The following CAPRIN2 variants were observed in gnomAD, a reference collection of about 807,000 sequenced individuals.
CAPRIN2 encodes the protein caprin family member 2.
In CAPRIN2, 66 loss-of-function variants were observed where a neutral mutation model predicts 130.4. The observed-to-expected ratio is 0.51, with a 90% confidence interval of 0.42 to 0.62. The LOEUF (loss-of-function observed/expected upper bound fraction) is 0.62, where lower values mean the gene tolerates loss of function less well. Among genes scored for constraint, CAPRIN2 ranks in the 20% least tolerant of loss-of-function variants. CAPRIN2 has a pLI of 0.00. For missense variants in CAPRIN2, 1,185 were observed against 1,246.6 expected (o/e 0.95, Z 0.74); for synonymous variants, 471 against 444.1 (o/e 1.06, Z -0.76).
At position 30,713,860 on chromosome 12, in the gene CAPRIN2, AGGGAGTCCTCT is replaced by A; in HGVS notation, c.2515_2525del (p.Arg839PhefsTer8). 4 of 1,606,726 alleles carry A rather than the reference AGGGAGTCCTCT, an allele frequency of 2.5e-6. No individual in the cohort carries two copies. Among genetic ancestry groups the A allele is most frequent in the Non-Finnish European group, 3.4e-6 (4 of 1,173,642 alleles). ...GGCTATAATTTCCATTGGAAATTGAAGGGAGTCCTCTATAAGTATCAAAACCTAATAAATAA... is the reference window on the plus strand; with the variant it reads ...GGCTATAATTTCCATTGGAAATTGAAATAAGTATCAAAACCTAATAAATAA... On this transcript the variant is annotated frameshift_variant, in exon 15 of 17. Transcript: ENST00000298892. LOFTEE classifies it high-confidence loss of function.
intron 2 of CAPRIN2, among the ~76,000 whole-genome samples, chr12:30,747,492 A>T (rs537530407): frequency 2.0e-5 from 3 of 152,246 alleles, no homozygotes; most frequent in African/African-American, 7.2e-5. Flanking sequence ...AGCCTGACCA[A>T]CACGGAGAAA....
At chr12:30,740,004 C>A (rs1380137244) in intron 3 of CAPRIN2, among the ~76,000 whole-genome samples, 4 of 152,100 alleles carry the variant, frequency 2.6e-5, no homozygotes, top group Non-Finnish European at 5.9e-5. Context: ...ATACTTCTAA[C>A]CATATTTGTA....
intron 12 of CAPRIN2, 30 bp from the exon 14 acceptor site, chr12:30,719,255 TC>T (rs1426495622): frequency 6.2e-7 from 1 of 1,611,444 alleles, no homozygotes; most frequent in Non-Finnish European, 8.5e-7. Flanking sequence ...CATCAGCCAA[TC>T]ACCTGCCATA....
intron 8 of CAPRIN2, chr12:30,728,326 G>T (rs1224955363): frequency 1.9e-5 from 4 of 207,972 alleles, no homozygotes; most frequent in Admixed American, 5.2e-5. Context: ...AGGCCGAGGC[G>T]GTTGGATCAC....
At chr12:30,752,998 CAG>C (rs2074733871) in intron 1 of CAPRIN2, among the ~76,000 whole-genome samples, 1 of 152,140 alleles carries the variant, frequency 6.6e-6, no homozygotes, top group Non-Finnish European at 1.5e-5. Flanking sequence ...TCAACTGCTG[CAG>C]AAAGTCACAA....
intron 8 of CAPRIN2, 79 bp downstream of exon 9, chr12:30,728,569 A>AG (rs1304534293): frequency 1.4e-4 from 178 of 1,257,852 alleles, no homozygotes; most frequent in East Asian, 1.1e-3. Context: ...AAAAAAAAAA[A>AG]AGAGAACTAA....
At chr12:30,739,001 C>T (rs2066105876) in intron 3 of CAPRIN2, among the ~76,000 whole-genome samples, 1 of 152,150 alleles carries the variant, frequency 6.6e-6, no homozygotes, top group Non-Finnish European at 1.5e-5. Context: ...GTGGCAATTC[C>T]TCAAAGAGCT....
At chr12:30,749,273 G>A (rs1372860577) in intron 2 of CAPRIN2, among the ~76,000 whole-genome samples, 4 of 152,162 alleles carry the variant, frequency 2.6e-5, no homozygotes, top group Non-Finnish European at 5.9e-5. Context: ...GTCAAAGGAA[G>A]TGGGAAGGAT....
chr12:30,728,699 G>A (rs1215251778), exon 8 of CAPRIN2: 1 of 1,613,796 alleles, frequency 6.2e-7, no homozygotes, highest in Non-Finnish European at 8.5e-7. Context: ...CATTTGGTAT[G>A]AGGCTTGCTG....
intron 9 of CAPRIN2, 46 bp downstream of exon 10, chr12:30,725,920 C>A: frequency 1.4e-6 from 2 of 1,438,202 alleles, no homozygotes; most frequent in South Asian, 3.1e-5. Flanking sequence ...TGTTTCCAGT[C>A]AGAAGCCCCA....
At chr12:30,752,403 G>A in intron 1 of CAPRIN2, among the ~76,000 whole-genome samples, 1 of 152,040 alleles carries the variant, frequency 6.6e-6, no homozygotes, top group Admixed American at 6.6e-5. Flanking sequence ...CCTGAGGGAG[G>A]CTCCGTCAAT....
intron 2 of CAPRIN2, among the ~76,000 whole-genome samples, chr12:30,749,214 C>G (rs10771766): frequency 0.48 from 73,586 of 151,914 alleles, 18,347 homozygotes; most frequent in African/African-American, 0.55. Context: ...GCTAGGGTAG[C>G]TAGAATGGAG....
At chr12:30,716,568 G>T (rs944818832) in exon 13 of CAPRIN2, 1 of 1,613,978 alleles carries the variant, frequency 6.2e-7, no homozygotes, top group African/African-American at 1.3e-5. Flanking sequence ...CACTGGGGTG[G>T]TGTTTGTGTA....
intron 3 of CAPRIN2, among the ~76,000 whole-genome samples, chr12:30,736,347 G>C (rs2064770995): frequency 6.7e-6 from 1 of 150,030 alleles, no homozygotes; most frequent in Non-Finnish European, 1.5e-5. Flanking sequence ...GTTTTTGATT[G>C]TAACGTTTCC....
chr12:30,739,717 A>AT (rs1565669237), intron 3 of CAPRIN2, among the ~76,000 whole-genome samples: 1 of 150,744 alleles, frequency 6.6e-6, no homozygotes, highest in African/African-American at 2.4e-5. Context: ...TCCGTCTCAA[A>AT]AAAAAAAAAA....
exon 12 of CAPRIN2, chr12:30,720,867 T>C: frequency 6.2e-7 from 1 of 1,613,834 alleles, no homozygotes; most frequent in South Asian, 1.1e-5. Flanking sequence ...GCCTGATCGG[T>C]AGTAACCAAG....
At chr12:30,735,393 A>G (rs554574940) in intron 3 of CAPRIN2, among the ~76,000 whole-genome samples, 187 bp from the exon 5 acceptor site, 1 of 152,318 alleles carries the variant, frequency 6.6e-6, no homozygotes, top group East Asian at 1.9e-4. Flanking sequence ...GGTTTGTCTC[A>G]GGTAACCAGA....
upstream of CAPRIN2, chr12:30,754,571 G>C (rs970684260): frequency 6.6e-6 from 1 of 152,210 alleles, no homozygotes; most frequent in Non-Finnish European, 1.5e-5. Flanking sequence ...CAAGGCCCCG[G>C]GGGAGGCTGA....
At chr12:30,733,749 A>G in intron 4 of CAPRIN2, 38 bp from the exon 6 acceptor site, 1 of 1,340,876 alleles carries the variant, frequency 7.5e-7, no homozygotes, top group Non-Finnish European at 1.1e-6. Context: ...AAGTGGCTTT[A>G]GAAGTACATA....
Sources: allele counts gnomAD v4.1 joint callset (sites outside exome capture counted in the v4.1 genomes callset), GRCh38; gene constraint gnomAD v4.1.1; transcripts MANE v1.5; gene names NCBI Gene and HGNC (gene_info 2026-07-23, HGNC 2026-07-21).